The following HCN1 variants were observed in gnomAD, a reference collection of about 807,000 sequenced individuals.
HCN1 encodes the protein potassium/sodium hyperpolarization-activated cyclic nucleotide-gated channel 1.
HCN1 carries 13 observed loss-of-function variants against 78.9 expected under a neutral mutation model. That is an observed-to-expected ratio of 0.16 (90% CI 0.11 to 0.26). HCN1 has a LOEUF of 0.26. Ranked by LOEUF, HCN1 falls within the 10% of genes least tolerant of loss-of-function variation. The pLI is 1.00. For synonymous variants in HCN1, 552 were observed against 455.5 expected (o/e 1.21, Z -2.70); for missense variants, 810 against 1,154.3 (o/e 0.70, Z 4.32).
At chr5:45,305,219 G>A (rs1306489212) in intron 5 of HCN1, among the ~76,000 whole-genome samples, 1 of 152,114 alleles carries the variant, frequency 6.6e-6, no homozygotes, top group Non-Finnish European at 1.5e-5. Context: ...CCAAGACTGA[G>A]AAAGAAGGTT....
intron 2 of HCN1, among the ~76,000 whole-genome samples, chr5:45,603,176 T>C (rs965766413): frequency 6.6e-6 from 1 of 152,094 alleles, no homozygotes; most frequent in African/African-American, 2.4e-5. Flanking sequence ...TACCCTGTTA[T>C]AATATCTGAT....
intron 5 of HCN1, among the ~76,000 whole-genome samples, chr5:45,329,112 G>A (rs547037683): frequency 9.2e-5 from 14 of 151,620 alleles, no homozygotes; most frequent in African/African-American, 3.4e-4. Context: ...TCAAAAAACT[G>A]TTTAAATATA....
intron 2 of HCN1, among the ~76,000 whole-genome samples, chr5:45,514,280 C>G (rs901285071): frequency 2.6e-5 from 4 of 152,078 alleles, no homozygotes; most frequent in Non-Finnish European, 5.9e-5. Flanking sequence ...AAGTCTACCT[C>G]AAACACATTG....
chr5:45,363,592 G>A (rs1747168560), intron 4 of HCN1, among the ~76,000 whole-genome samples: 1 of 151,842 alleles, frequency 6.6e-6, no homozygotes, highest in Admixed American at 6.6e-5. Flanking sequence ...ATATGGTTTG[G>A]CTGTGTCCAC....
chr5:45,335,643 T>C (rs1385459214), intron 5 of HCN1, among the ~76,000 whole-genome samples: 1 of 152,078 alleles, frequency 6.6e-6, no homozygotes, highest in Non-Finnish European at 1.5e-5. Flanking sequence ...TGTCACTCCC[T>C]AAAATATAAC....
chr5:45,348,718 C>T (rs1460897073), intron 5 of HCN1, among the ~76,000 whole-genome samples: 4 of 152,098 alleles, frequency 2.6e-5, no homozygotes, highest in African/African-American at 7.2e-5. Flanking sequence ...GCAAGGGTTG[C>T]AATCCTAGTC....
intron 2 of HCN1, chr5:45,617,279 C>T (rs1416687984): frequency 6.6e-6 from 1 of 152,034 alleles, no homozygotes; most frequent in East Asian, 1.9e-4. Flanking sequence ...AGTTCAACAA[C>T]TAAACACTAG....
chr5:45,292,323 C>T (rs1321312765), intron 6 of HCN1, among the ~76,000 whole-genome samples: 1 of 151,880 alleles, frequency 6.6e-6, no homozygotes, highest in Non-Finnish European at 1.5e-5. Context: ...ATAAATAAAA[C>T]CAAATACCCA....
At chr5:45,652,938 T>C (rs1450314834) in intron 1 of HCN1, among the ~76,000 whole-genome samples, 1 of 152,022 alleles carries the variant, frequency 6.6e-6, no homozygotes, top group East Asian at 1.9e-4. Context: ...GAAGTTCTTA[T>C]ATCATTATTA....
Position 45,350,713 on chromosome 5 carries a change from C to T in HCN1, c.1377+2387G>A, listed in dbSNP as rs1411332165. ...AAAATCAATGTACAAAAATCACAAGCATTCTTATACACCAACAACAGACAA... is the reference window on the plus strand; with the variant it reads ...AAAATCAATGTACAAAAATCACAAGTATTCTTATACACCAACAACAGACAA... On this transcript the variant is annotated intron_variant, in intron 5 of 7. Transcript: ENST00000303230. 7.8e-4 allele frequency among the ~76,000 whole-genome samples: 118 copies of T among 151,204 alleles called. 1 individual carries two copies. In the East Asian group the frequency reaches 0.022, roughly 29 times the overall value.
intron 2 of HCN1, among the ~76,000 whole-genome samples, chr5:45,493,518 TG>T (rs1397065503): frequency 6.6e-6 from 1 of 152,120 alleles, no homozygotes; most frequent in Non-Finnish European, 1.5e-5. Flanking sequence ...AGTTCCTTTT[TG>T]TGTCTATGTT....
intron 1 of HCN1, among the ~76,000 whole-genome samples, chr5:45,651,047 CCT>C (rs1201174915): frequency 2.6e-5 from 4 of 151,788 alleles, no homozygotes; most frequent in Non-Finnish European, 4.4e-5. Flanking sequence ...TCTTTTCTCC[CCT>C]CTCTGTGATG....
At chr5:45,563,631 T>A (rs576718245) in intron 2 of HCN1, among the ~76,000 whole-genome samples, 42 of 152,242 alleles carry the variant, frequency 2.8e-4, no homozygotes, top group African/African-American at 7.9e-4. Context: ...GAAATTAAGA[T>A]AATATAAATT....
intron 2 of HCN1, among the ~76,000 whole-genome samples, chr5:45,582,696 T>C: frequency 6.6e-6 from 1 of 152,214 alleles, no homozygotes; most frequent in East Asian, 1.9e-4. Context: ...ATACGTCCCA[T>C]CAATACCTAA....
chr5:45,445,955 A>T (rs561528430), intron 3 of HCN1, among the ~76,000 whole-genome samples: 1 of 152,292 alleles, frequency 6.6e-6, no homozygotes, highest in African/African-American at 2.4e-5. Flanking sequence ...GAGCAGAAAA[A>T]CTGGAAACTC....
intron 4 of HCN1, among the ~76,000 whole-genome samples, chr5:45,382,248 A>G (rs993137166): frequency 6.6e-6 from 1 of 152,178 alleles, no homozygotes; most frequent in African/African-American, 2.4e-5. Flanking sequence ...TATCTTGTTT[A>G]GAGCACTTAT....
At chr5:45,596,287 T>C (rs970131210) in intron 2 of HCN1, among the ~76,000 whole-genome samples, 5 of 152,140 alleles carry the variant, frequency 3.3e-5, no homozygotes, top group Admixed American at 2.6e-4. Context: ...ATTTGCCTCA[T>C]TGAGATTATT....
chr5:45,523,000 C>T (rs983391831), intron 2 of HCN1, among the ~76,000 whole-genome samples: 2 of 151,654 alleles, frequency 1.3e-5, no homozygotes, highest in Non-Finnish European at 2.9e-5. Flanking sequence ...TAAGGCCATC[C>T]CTCCCCACTC....
At chr5:45,352,240 T>C (rs377624583) in intron 5 of HCN1, among the ~76,000 whole-genome samples, 31 of 151,770 alleles carry the variant, frequency 2.0e-4, no homozygotes, top group South Asian at 6.2e-4. Context: ...ATGGATGAAA[T>C]TGGAAATCAT....
Sources: allele counts gnomAD v4.1 joint callset (sites outside exome capture counted in the v4.1 genomes callset), GRCh38; gene constraint gnomAD v4.1.1; transcripts MANE v1.5; gene names NCBI Gene and HGNC (gene_info 2026-07-23, HGNC 2026-07-21).